The following LAMA1 variants were observed in gnomAD, a reference collection of about 807,000 sequenced individuals.
LAMA1 encodes the protein laminin subunit alpha 1, also known as laminin subunit alpha-1.
LAMA1 carries 219 observed loss-of-function variants against 348.7 expected under a neutral mutation model. The observed-to-expected ratio is 0.63, with a 90% CI of 0.56 to 0.70. The LOEUF (loss-of-function observed/expected upper bound fraction) is 0.70, where lower values mean the gene tolerates loss of function less well. Ranked by LOEUF, LAMA1 falls within the 30% of genes least tolerant of loss-of-function variation. LAMA1 has a pLI of 0.00. For synonymous variants in LAMA1, 1,487 were observed against 1,491.0 expected (o/e 1.00, Z 0.06); for missense variants, 3,744 against 3,888.0 (o/e 0.96, Z 0.99).
intron 14 of LAMA1, 121 bp from the exon 15 acceptor site, chr18:7,033,216 C>T (rs1040214982): frequency 1.1e-5 from 8 of 743,086 alleles, no homozygotes; most frequent in African/African-American, 7.0e-5. Context: ...CCTGTAATCC[C>T]AGCACTTTGG....
chr18:6,967,086 C>T (rs575469433), intron 48 of LAMA1, among the ~76,000 whole-genome samples: 1 of 152,134 alleles, frequency 6.6e-6, no homozygotes, highest in Non-Finnish European at 1.5e-5. Flanking sequence ...AGAGGTGTAA[C>T]AACAAAACTC....
intron 3 of LAMA1, among the ~76,000 whole-genome samples, chr18:7,052,973 T>A (rs2058068051): frequency 1.3e-5 from 2 of 149,594 alleles, no homozygotes; most frequent in South Asian, 2.1e-4. Context: ...TGAGCCGAGA[T>A]CGTGCCACTG....
At chr18:7,003,443 A>G (rs929293498) in intron 29 of LAMA1, among the ~76,000 whole-genome samples, 3 of 152,012 alleles carry the variant, frequency 2.0e-5, no homozygotes, top group Non-Finnish European at 4.4e-5. Context: ...TATTTTTAGT[A>G]GAGACAGGAT....
At position 6,971,935 on chromosome 18, in the gene LAMA1, T is replaced by TC. The variant is rs1568012757; in HGVS notation, c.6820dup (p.Glu2274GlyfsTer16). Reference sequence around the variant, plus strand: ...TATGGATTTTCCATTCAGGAAGGCCTCCCCCAAGCAGCCTTTAAAATGAGT... The same window carrying TC: ...TATGGATTTTCCATTCAGGAAGGCCTCCCCCCAAGCAGCCTTTAAAATGAGT... On this transcript the variant is annotated frameshift_variant, in exon 48 of 63. Transcript: ENST00000389658. LOFTEE classifies it high-confidence loss of function. The TC allele has an allele frequency of 6.2e-7, 1 of 1,613,960 alleles. No homozygotes were observed. The highest frequency in any genetic ancestry group is 1.1e-5 in the South Asian group (1 of 91,064).
chr18:6,968,138 C>A (rs1039207450), intron 48 of LAMA1, among the ~76,000 whole-genome samples: 1 of 152,170 alleles, frequency 6.6e-6, no homozygotes, highest in South Asian at 2.1e-4. Context: ...AAGCTCGGTT[C>A]ATCACAGCAC....
At chr18:6,995,590 C>G (rs979847591) in intron 33 of LAMA1, 144 bp from the exon 34 acceptor site, 1 of 661,146 alleles carries the variant, frequency 1.5e-6, no homozygotes, top group Non-Finnish European at 2.7e-6. Context: ...AAATGGATCA[C>G]ATTTACTTAG....
At chr18:6,994,336 C>T (rs2057771200) in intron 34 of LAMA1, among the ~76,000 whole-genome samples, 1 of 152,182 alleles carries the variant, frequency 6.6e-6, no homozygotes, top group African/African-American at 2.4e-5. Context: ...CTGTCCTCAG[C>T]TGTTATTTCT....
At chr18:6,980,295 A>C (rs144844310) in intron 42 of LAMA1, among the ~76,000 whole-genome samples, 1 of 152,324 alleles carries the variant, frequency 6.6e-6, no homozygotes, top group East Asian at 1.9e-4. Flanking sequence ...CTCTGTTTTT[A>C]AGACTATAAT....
At chr18:7,032,961 A>G in intron 15 of LAMA1, 23 bp downstream of exon 15, 6 of 1,546,632 alleles carry the variant, frequency 3.9e-6, no homozygotes, top group Non-Finnish European at 5.3e-6. Flanking sequence ...GAAAGGAAAA[A>G]GACAGGAAGA....
intron 19 of LAMA1, among the ~76,000 whole-genome samples, chr18:7,021,959 C>A (rs2057919951): frequency 6.6e-6 from 1 of 151,090 alleles, no homozygotes; most frequent in Admixed American, 6.6e-5. Flanking sequence ...ACCGCACTGA[C>A]TTCTCAGAAA....
At chr18:6,965,106 A>AT (rs370152517) in intron 50 of LAMA1, among the ~76,000 whole-genome samples, 182 bp downstream of exon 50, 6 of 152,222 alleles carry the variant, frequency 3.9e-5, no homozygotes, top group African/African-American at 1.4e-4. Context: ...AAATACAAGT[A>AT]TAACCCTCCT....
Position 6,958,584 on chromosome 18 carries a change from A to T in LAMA1, c.7857T>A (p.Asn2619Lys). ...LGTLVESRTI[N>K]VSNLYVGGIP... ...TTCCCCCGACGTACAGATTGGACAC[A>T]TTTATCGTCCTGCTTTCTACTAATG... Residue 2619 changes from asparagine to lysine, a missense_variant, in exon 55 of 63, where the codon AAT becomes AAA. Physicochemically the swap from Asn to Lys is moderately conservative, Grantham distance 94. Around this residue, in one of 3 missense-constraint regions of LAMA1, gnomAD observed 1,983 missense variants for 1,934.3 expected, o/e 1.03. Coordinates refer to ENST00000389658, the MANE Select transcript of LAMA1 (RefSeq NM_005559.4). The T allele has an allele frequency of 6.2e-7, 1 of 1,614,092 alleles. No individual in the cohort carries two copies. The highest frequency in any genetic ancestry group is 1.1e-5 in the South Asian group (1 of 91,080).
In LAMA1 at chr18:7,046,302, G is replaced by C. The variant is rs745965366; in HGVS notation, c.834C>G (p.Ser278Arg). 5.6e-6 allele frequency: 9 copies of C among 1,611,008 alleles called. No individual in the cohort carries two copies. In the South Asian group the frequency reaches 9.9e-5, roughly 18 times the overall value. Residue 278 changes from serine to arginine, a missense_variant, in exon 6 of 63, where the codon AGC becomes AGG. Ser to Arg is a moderately radical substitution (Grantham distance 110). Transcript: ENST00000389658. ...CCTTTGTAGTTTCATCCCATGGGCA[G>C]CTACTAGCATGGCCATAGCAGATAC... Reference protein sequence around the residue: ...GMCICYGHASSCPWDETTKKL... With the variant: ...GMCICYGHASRCPWDETTKKL...
intron 36 of LAMA1, among the ~76,000 whole-genome samples, chr18:6,989,100 G>A (rs1203272728): frequency 6.6e-6 from 1 of 152,136 alleles, no homozygotes; most frequent in African/African-American, 2.4e-5. Flanking sequence ...CTAGGCAGAG[G>A]GTGCCTACCA....
intron 36 of LAMA1, among the ~76,000 whole-genome samples, chr18:6,989,230 A>G (rs1263872774): frequency 6.6e-6 from 1 of 152,092 alleles, no homozygotes; most frequent in Non-Finnish European, 1.5e-5. Context: ...GGGATCCCAC[A>G]TGGGGAGAGG....
chr18:7,016,686 G>A lies in LAMA1; in HGVS notation c.2809-15C>T, dbSNP rs774753659. 6 of 1,606,154 alleles carry A rather than the reference G, an allele frequency of 3.7e-6. No homozygotes were observed. The African/African-American group carries it at 8.0e-5, about 21-fold the overall frequency. On this transcript the variant is annotated splice_polypyrimidine_tract_variant and intron_variant, in intron 20 of 62. Coordinates refer to ENST00000389658, the MANE Select transcript of LAMA1 (RefSeq NM_005559.4). ...TAATAGCCATGCTGTTTCACCAAAG[G>A]GGGAGAAAGTGGAAACCAACATACG...
intron 49 of LAMA1, 32 bp downstream of exon 49, chr18:6,966,115 A>G (rs761926187): frequency 6.2e-7 from 1 of 1,612,354 alleles, no homozygotes; most frequent in Non-Finnish European, 8.5e-7. Context: ...GTGTGTATAC[A>G]GTAGGGCCTA....
intron 19 of LAMA1, among the ~76,000 whole-genome samples, chr18:7,019,681 T>C (rs2057906640): frequency 7.1e-6 from 1 of 140,472 alleles, no homozygotes; most frequent in African/African-American, 2.7e-5. Flanking sequence ...ATTCTTTTTT[T>C]TTTTTTTTTT....
At chr18:6,977,254 C>G (rs549466514) in intron 44 of LAMA1, among the ~76,000 whole-genome samples, 2 of 152,174 alleles carry the variant, frequency 1.3e-5, no homozygotes, top group Non-Finnish European at 2.9e-5. Flanking sequence ...GTGCAGCCTT[C>G]GTTGCATACA....
Sources: allele counts gnomAD v4.1 joint callset (sites outside exome capture counted in the v4.1 genomes callset), GRCh38; gene constraint gnomAD v4.1.1; regional missense constraint gnomAD v4.1.1; transcripts MANE v1.5; gene names NCBI Gene and HGNC (gene_info 2026-07-23, HGNC 2026-07-21).